SHB: variants seen among roughly 807,000 people sequenced by gnomAD.
SHB encodes the protein SH2 domain-containing adapter protein B.
Under a neutral mutation model 52.3 loss-of-function variants are expected in SHB, and 20 were observed. The ratio of observed to expected loss-of-function variants is 0.38; its 90% CI spans 0.27 to 0.56. SHB has a LOEUF of 0.56. Among genes scored for constraint, SHB ranks in the 20% least tolerant of loss-of-function variants. SHB has a pLI of 0.71. For missense variants in SHB, 825 were observed against 723.3 expected (o/e 1.14, Z -1.61); for synonymous variants, 397 against 316.5 (o/e 1.25, Z -2.70).
chr9:37,916,510 T>C lies in SHB; in HGVS notation c.*3311A>G, dbSNP rs1587186574. 1.3e-5 allele frequency among the ~76,000 whole-genome samples: 2 copies of C among 152,240 alleles called. No homozygotes were observed. Among genetic ancestry groups the C allele is most frequent in the African/African-American group, 4.8e-5 (2 of 41,462 alleles). ...GTTCTGGGAATGGGCAGAGGGAGCC[T>C]GCAGCTCCACCCTGTTGACCGGACG... On this transcript the variant is annotated 3_prime_UTR_variant, in exon 6 of 6. Transcript: ENST00000377707.
chr9:38,031,764 A>G (rs1000706305), intron 1 of SHB, among the ~76,000 whole-genome samples: 1 of 152,204 alleles, frequency 6.6e-6, no homozygotes, highest in Non-Finnish European at 1.5e-5. Flanking sequence ...ATTAATGCAC[A>G]TTGTAAAATC....
intron 1 of SHB, among the ~76,000 whole-genome samples, chr9:38,067,404 G>GGGGCAGGGCA (rs535010076): frequency 2.0e-5 from 3 of 152,164 alleles, no homozygotes; most frequent in Admixed American, 6.5e-5. Flanking sequence ...AGCTGGGGGT[G>GGGGCAGGGCA]GGGCAGGGCA....
intron 4 of SHB, among the ~76,000 whole-genome samples, chr9:37,949,996 G>T (rs996557246): frequency 6.6e-6 from 1 of 152,178 alleles, no homozygotes. Context: ...GAGTGCCGTG[G>T]CGCGATAATA....
At chr9:37,965,672 T>A (rs1023125756) in intron 3 of SHB, among the ~76,000 whole-genome samples, 1 of 149,456 alleles carries the variant, frequency 6.7e-6, no homozygotes, top group Non-Finnish European at 1.5e-5. Context: ...ACCTCCGGGG[T>A]TCAAGTGATT....
At chr9:37,947,730 T>C (rs1832509958) in intron 5 of SHB, among the ~76,000 whole-genome samples, 1 of 152,188 alleles carries the variant, frequency 6.6e-6, no homozygotes, top group African/African-American at 2.4e-5. Context: ...GTGTGAGCTC[T>C]CCTGACAACC....
intron 1 of SHB, among the ~76,000 whole-genome samples, chr9:38,028,632 C>A (rs1030984026): frequency 1.3e-5 from 2 of 152,248 alleles, no homozygotes; most frequent in African/African-American, 4.8e-5. Context: ...GCAAGGCCAG[C>A]TCCAGCGCAG....
At chr9:38,041,585 G>A (rs370313732) in intron 1 of SHB, among the ~76,000 whole-genome samples, 1 of 150,940 alleles carries the variant, frequency 6.6e-6, no homozygotes. Flanking sequence ...GTTCGGGGAA[G>A]AAAAGGGAGG....
Position 38,068,511 on chromosome 9 carries a change from C to G in SHB, c.135G>C (p.Pro45=), listed in dbSNP as rs761815325. 2.0e-6 allele frequency: 3 copies of G among 1,483,290 alleles called. No homozygotes were observed. The highest frequency in any genetic ancestry group is 2.2e-5 in the Admixed American group (1 of 44,572). 91.9% of individuals were successfully genotyped at this position (1,483,290 alleles called of 1,614,324 possible). A position where few individuals can be genotyped will look rare whatever the true frequency, so the allele number is the denominator to read the frequency against. Residue 45 remains proline (P), a synonymous_variant, in exon 1 of 6, where the codon CCG becomes CCC. Transcript: ENST00000377707. ...ERPSQPPQAV[P]QASSAASASC... is the part of the protein sequence containing the mutation. ...ACGCCGAGGCGGCGGAGGAGGCCTGCGGCACGGCCTGGGGGGGCTGCGAAG... is the reference window on the plus strand; with the variant it reads ...ACGCCGAGGCGGCGGAGGAGGCCTGGGGCACGGCCTGGGGGGGCTGCGAAG...
chr9:38,032,703 C>A (rs771636108), intron 1 of SHB, among the ~76,000 whole-genome samples: 7 of 152,334 alleles, frequency 4.6e-5, no homozygotes, highest in Non-Finnish European at 5.9e-5. Context: ...CAGCCGTATC[C>A]CTCCTGCCTG....
chr9:37,986,666 C>A (rs1820810460), intron 2 of SHB, among the ~76,000 whole-genome samples: 1 of 152,204 alleles, frequency 6.6e-6, no homozygotes, highest in African/African-American at 2.4e-5. Flanking sequence ...AAAACACACT[C>A]CTGTGAACAG....
chr9:37,920,106 A>C (rs1832159073), intron 5 of SHB, 102 bp from the exon 6 acceptor site: 2 of 911,788 alleles, frequency 2.2e-6, no homozygotes, highest in East Asian at 2.4e-5. Flanking sequence ...CCAGCCATGA[A>C]GTGGCTGTGA....
intron 5 of SHB, among the ~76,000 whole-genome samples, chr9:37,924,294 C>T (rs985793583): frequency 2.0e-5 from 3 of 152,206 alleles, no homozygotes; most frequent in Admixed American, 2.0e-4. Context: ...AGCGCAATCA[C>T]GGGCTTTAAT....
At position 37,974,639 on chromosome 9, in the gene SHB, G is replaced by A; in HGVS notation, c.1037C>T (p.Thr346Ile). The change falls in exon 3 of 6, where the codon ACC (threonine) becomes ATC (isoleucine). Residue 346 changes from threonine to isoleucine, a missense_variant. Transcript: ENST00000377707. ...CTCCTTACCTGCCAGGGCTGGGATG[G>A]TGACCCGGTTCCACTCCCAAGGCTG... ...YDQPWEWNRV[T>I]IPALAAQFNG... 6.2e-7 allele frequency: 1 copy of A among 1,612,982 alleles called. No homozygotes were observed. Among genetic ancestry groups the A allele is most frequent in the Non-Finnish European group, 8.5e-7 (1 of 1,179,848 alleles).
chr9:37,920,052 G>T, intron 5 of SHB, 48 bp from the exon 6 acceptor site: 1 of 1,492,828 alleles, frequency 6.7e-7, no homozygotes, highest in Non-Finnish European at 9.3e-7. Context: ...TGACACTCAG[G>T]CTGAGGCCAA....
intron 2 of SHB, among the ~76,000 whole-genome samples, chr9:37,986,318 G>A (rs1372768134): frequency 4.6e-5 from 7 of 152,076 alleles, no homozygotes; most frequent in Admixed American, 4.6e-4. Flanking sequence ...GAAAGCTGGG[G>A]GATGTTGAGG....
intron 1 of SHB, among the ~76,000 whole-genome samples, chr9:38,050,751 T>TA (rs1821728201): frequency 6.6e-6 from 1 of 152,142 alleles, no homozygotes; most frequent in Non-Finnish European, 1.5e-5. Context: ...CCAATACTCT[T>TA]AAGTGTCTGC....
chr9:37,973,380 C>T (rs897529529), intron 3 of SHB, among the ~76,000 whole-genome samples: 18 of 152,176 alleles, frequency 1.2e-4, no homozygotes, highest in Non-Finnish European at 2.1e-4. Flanking sequence ...TGTGCCACCA[C>T]GCCCAGCTAA....
chr9:38,058,974 G>A (rs1429690258), intron 1 of SHB, among the ~76,000 whole-genome samples: 1 of 152,032 alleles, frequency 6.6e-6, no homozygotes, highest in Non-Finnish European at 1.5e-5. Flanking sequence ...CCCCACCCCT[G>A]ACGTAACTGT....
At chr9:37,936,223 AAAACAAAACC>A (rs1225225241) in intron 5 of SHB, among the ~76,000 whole-genome samples, 1 of 152,138 alleles carries the variant, frequency 6.6e-6, no homozygotes, top group African/African-American at 2.4e-5. Context: ...CTCAAAAAAC[AAAACAAAACC>A]AAACAAAACA....
Sources: allele counts gnomAD v4.1 joint callset (sites outside exome capture counted in the v4.1 genomes callset), GRCh38; gene constraint gnomAD v4.1.1; transcripts MANE v1.5; gene names NCBI Gene and HGNC (gene_info 2026-07-23, HGNC 2026-07-21).